SLC30A8: variants seen among roughly 807,000 people sequenced by gnomAD.
SLC30A8 encodes solute carrier family 30 member 8.
In SLC30A8, 27 loss-of-function variants were observed where a neutral mutation model predicts 36.9. The observed-to-expected ratio is 0.73, with a 90% CI of 0.54 to 1.01. The LOEUF (loss-of-function observed/expected upper bound fraction) is 1.01, where lower values mean the gene tolerates loss of function less well. SLC30A8 is among the 50% of genes least tolerant of loss of function. SLC30A8 has a pLI of 0.00. For missense variants in SLC30A8, 439 were observed against 452.0 expected (o/e 0.97, Z 0.26); for synonymous variants, 164 against 172.4 (o/e 0.95, Z 0.38).
chr8:117,071,030 A>G (rs918334656), intron 2 of SLC30A8, among the ~76,000 whole-genome samples: 8 of 152,182 alleles, frequency 5.3e-5, no homozygotes, highest in Admixed American at 5.2e-4. Flanking sequence ...CTCCTTCCAC[A>G]TATTGATGTC....
chr8:117,064,812 G>A (rs1227287821), intron 2 of SLC30A8, among the ~76,000 whole-genome samples: 4 of 152,198 alleles, frequency 2.6e-5, no homozygotes, highest in African/African-American at 7.2e-5. Flanking sequence ...AGAGGAGGAA[G>A]AGGAGGGGAG....
intron 1 of SLC30A8, among the ~76,000 whole-genome samples, chr8:117,138,726 C>T (rs1333581895): frequency 6.6e-6 from 1 of 151,842 alleles, no homozygotes; most frequent in Non-Finnish European, 1.5e-5. Flanking sequence ...GGATGTATTC[C>T]AGGAGGCATA....
At chr8:116,976,843 A>T (rs1815046934) in intron 1 of SLC30A8, among the ~76,000 whole-genome samples, 1 of 119,312 alleles carries the variant, frequency 8.4e-6, no homozygotes, top group Non-Finnish European at 1.6e-5. Context: ...TTTTTTACAG[A>T]GTCTCTCTCT....
chr8:117,005,941 A>G (rs1816159239), intron 1 of SLC30A8, among the ~76,000 whole-genome samples: 1 of 152,236 alleles, frequency 6.6e-6, no homozygotes, highest in African/African-American at 2.4e-5. Context: ...TCAGAAAGTA[A>G]GTATTATTAG....
chr8:117,153,354 CTG>C, intron 3 of SLC30A8, among the ~76,000 whole-genome samples: 1 of 152,324 alleles, frequency 6.6e-6, no homozygotes, highest in South Asian at 2.1e-4. Flanking sequence ...CTCAGGGACT[CTG>C]TGTATGGTGA....
In SLC30A8 at chr8:117,164,409, A is replaced by T. The variant is rs1472401832; in HGVS notation, c.829+879A>T. Reference sequence around the variant, plus strand: ...CAACATGGCAAAACCTCGTCTCAACAAAAAAATGCAAAATATTACCTGGGC... The same window carrying T: ...CAACATGGCAAAACCTCGTCTCAACTAAAAAATGCAAAATATTACCTGGGC... On this transcript the variant is annotated intron_variant, in intron 6 of 7. Coordinates refer to ENST00000456015, the MANE Select transcript of SLC30A8 (RefSeq NM_173851.3). Among the ~76,000 whole-genome samples the T allele has an allele frequency of 6.7e-5, 6 of 89,448 alleles. No homozygotes were observed. The East Asian group carries it at 2.6e-3, about 39-fold the overall frequency. The allele number at this position is 89,448 out of a possible 152,430, so 58.7% of individuals were successfully genotyped here. A position where few individuals can be genotyped will look rare whatever the true frequency, so the allele number is the denominator to read the frequency against.
At chr8:116,990,911 T>C (rs1288213351) in intron 1 of SLC30A8, among the ~76,000 whole-genome samples, 1 of 152,172 alleles carries the variant, frequency 6.6e-6, no homozygotes, top group East Asian at 1.9e-4. Flanking sequence ...AAGAGAGTTA[T>C]GTATTTTTGC....
chr8:117,011,162 G>A (rs549078281), intron 1 of SLC30A8, among the ~76,000 whole-genome samples: 9 of 152,316 alleles, frequency 5.9e-5, no homozygotes, highest in African/African-American at 1.9e-4. Context: ...ACAGGAGCAA[G>A]AAAGAGAAGG....
At chr8:117,009,391 G>T (rs905741224) in intron 1 of SLC30A8, among the ~76,000 whole-genome samples, 1 of 152,250 alleles carries the variant, frequency 6.6e-6, no homozygotes, top group East Asian at 1.9e-4. Context: ...AATTCTAAAA[G>T]GACCAAATGA....
chr8:116,979,656 G>A (rs1480030931), intron 1 of SLC30A8, among the ~76,000 whole-genome samples: 1 of 152,204 alleles, frequency 6.6e-6, no homozygotes, highest in East Asian at 1.9e-4. Flanking sequence ...AGGCCATGGA[G>A]GCACAGAGCA....
chr8:117,042,890 G>A (rs994142519), intron 2 of SLC30A8, among the ~76,000 whole-genome samples: 6 of 152,162 alleles, frequency 3.9e-5, no homozygotes, highest in Admixed American at 2.6e-4. Context: ...TGGGCAGGCC[G>A]GTCTCGAACT....
chr8:117,036,739 G>T (rs895412300), intron 1 of SLC30A8, among the ~76,000 whole-genome samples: 4 of 152,100 alleles, frequency 2.6e-5, no homozygotes, highest in Non-Finnish European at 1.5e-5. Flanking sequence ...ACCTCCCACC[G>T]GGTCCCTCTC....
intron 1 of SLC30A8, among the ~76,000 whole-genome samples, chr8:117,011,172 G>T (rs1037787742): frequency 6.6e-6 from 1 of 152,194 alleles, no homozygotes; most frequent in Non-Finnish European, 1.5e-5. Flanking sequence ...GAAAGAGAAG[G>T]GCAGTGGGGG....
intron 1 of SLC30A8, chr8:117,007,057 C>G (rs558553689): frequency 6.9e-6 from 1 of 145,572 alleles, no homozygotes; most frequent in South Asian, 2.2e-4. Context: ...CCGCCCGCCT[C>G]GGCCTCCCAA....
intron 1 of SLC30A8, among the ~76,000 whole-genome samples, chr8:116,971,405 C>T (rs1158253875): frequency 6.6e-6 from 1 of 152,104 alleles, no homozygotes; most frequent in Non-Finnish European, 1.5e-5. Flanking sequence ...TCGATTGCTC[C>T]ATGACATTGA....
At chr8:117,118,711 T>C (rs1368150112) in intron 2 of SLC30A8, among the ~76,000 whole-genome samples, 1 of 151,934 alleles carries the variant, frequency 6.6e-6, no homozygotes, top group Non-Finnish European at 1.5e-5. Flanking sequence ...CAAGTGTGTC[T>C]CTAAACACAT....
chr8:117,125,887 T>C (rs1820881149), intron 2 of SLC30A8, among the ~76,000 whole-genome samples: 1 of 152,040 alleles, frequency 6.6e-6, no homozygotes, highest in Non-Finnish European at 1.5e-5. Context: ...ATAATTTCTG[T>C]ATTTTAGGAA....
At chr8:117,066,911 T>C (rs1818186758) in intron 2 of SLC30A8, among the ~76,000 whole-genome samples, 1 of 152,136 alleles carries the variant, frequency 6.6e-6, no homozygotes, top group African/African-American at 2.4e-5. Context: ...CCTCCTGTAT[T>C]AGTCTGTTCT....
chr8:117,007,031 C>A (rs1371738784), intron 1 of SLC30A8: 1 of 130,556 alleles, frequency 7.7e-6, no homozygotes, highest in Non-Finnish European at 1.6e-5. Flanking sequence ...GTCTTGAACT[C>A]CTGACCTCAA....
Sources: allele counts gnomAD v4.1 joint callset (sites outside exome capture counted in the v4.1 genomes callset), GRCh38; gene constraint gnomAD v4.1.1; transcripts MANE v1.5; gene names NCBI Gene and HGNC (gene_info 2026-07-23, HGNC 2026-07-21).